The following BMP6 variants were observed in gnomAD, a reference collection of about 807,000 sequenced individuals.
BMP6 encodes the protein bone morphogenetic protein 6.
In BMP6, 17 loss-of-function variants were observed where a neutral mutation model predicts 54.1. That is an observed-to-expected ratio of 0.31 (90% CI 0.22 to 0.47). BMP6 has a LOEUF of 0.47. BMP6 is among the 20% of genes least tolerant of loss of function. The pLI is 1.00. For missense variants in BMP6, 720 were observed against 690.4 expected (o/e 1.04, Z -0.48); for synonymous variants, 328 against 291.2 (o/e 1.13, Z -1.28).
At chr6:7,800,591 T>TG (rs1318946849) in intron 1 of BMP6, among the ~76,000 whole-genome samples, 4 of 152,148 alleles carry the variant, frequency 2.6e-5, no homozygotes, top group Admixed American at 2.6e-4. Flanking sequence ...TATTAAGCTC[T>TG]GGGGGTTTGA....
At chr6:7,852,280 A>G (rs1759155575) in intron 2 of BMP6, among the ~76,000 whole-genome samples, 1 of 152,222 alleles carries the variant, frequency 6.6e-6, no homozygotes, top group African/African-American at 2.4e-5. Flanking sequence ...CTTTCAGCTA[A>G]AAGTCTAGGA....
At chr6:7,797,981 A>AG (rs1758215704) in intron 1 of BMP6, among the ~76,000 whole-genome samples, 1 of 152,184 alleles carries the variant, frequency 6.6e-6, no homozygotes, top group Admixed American at 6.5e-5. Context: ...CCTTCCCCTA[A>AG]GATAGGGTGA....
chr6:7,813,471 A>AAAC lies in BMP6; in HGVS notation c.665-31667_665-31666insCAA, dbSNP rs1581258863. On this transcript the variant is annotated intron_variant, in intron 1 of 6. Transcript: ENST00000283147. ...TCCCTGTCTCTACAAAAAAAAAAAA[A>AAAC]AAAAAAAAAACTATTTAAAAAACTA... Among the ~76,000 whole-genome samples the AAAC allele has an allele frequency of 2.1e-5, 3 of 145,954 alleles. No homozygotes were observed. The East Asian group carries it at 6.0e-4, about 29-fold the overall frequency.
rs1315020057 is a variant in BMP6 at position 7,864,650 on chromosome 6, C to G, written c.1204+2152C>G. On this transcript the variant is annotated intron_variant, in intron 4 of 6. Coordinates refer to ENST00000283147, the MANE Select transcript of BMP6 (RefSeq NM_001718.6). ...TTGTGTTCCGACTTAAATCAACCATCTATTTTACCAGTAACTTGGATGTGG... is the reference window on the plus strand; with the variant it reads ...TTGTGTTCCGACTTAAATCAACCATGTATTTTACCAGTAACTTGGATGTGG... 2.0e-5 allele frequency among the ~76,000 whole-genome samples: 3 copies of G among 152,160 alleles called. No homozygotes were observed. In the East Asian group the frequency reaches 5.8e-4, roughly 29 times the overall value.
Position 7,727,390 on chromosome 6 carries a change from C to T in BMP6, c.435C>T (p.Ala145=). 6.2e-7 allele frequency: 1 copy of T among 1,607,866 alleles called. No individual in the cohort carries two copies. The highest frequency in any genetic ancestry group is 8.5e-7 in the Non-Finnish European group (1 of 1,177,832). Residue 145 remains alanine (A), a synonymous_variant, in exon 1 of 7, where the codon GCC becomes GCT. Transcript: ENST00000283147. ...TGGATCTGTACAACGCCCTGTCCGC[C>T]GACAACGACGAGGACGGGGCGTCGG... The part of the protein sequence containing the change: ...FMLDLYNALS[A]DNDEDGASEG...
chr6:7,810,318 C>T (rs1320296176), intron 1 of BMP6, among the ~76,000 whole-genome samples: 2 of 152,092 alleles, frequency 1.3e-5, no homozygotes, highest in Admixed American at 6.5e-5. Context: ...CTTAAAGCTC[C>T]GAGGGGTATG....
chr6:7,797,745 A>G (rs1561775055), intron 1 of BMP6, among the ~76,000 whole-genome samples: 1 of 152,158 alleles, frequency 6.6e-6, no homozygotes, highest in Non-Finnish European at 1.5e-5. Flanking sequence ...TTAGACCTTG[A>G]CTTTATTAAT....
chr6:7,822,116 G>C (rs1758620048), intron 1 of BMP6, among the ~76,000 whole-genome samples: 1 of 152,084 alleles, frequency 6.6e-6, no homozygotes, highest in African/African-American at 2.4e-5. Context: ...CGCCTCCCAG[G>C]TTCAAGCAAT....
intron 1 of BMP6, among the ~76,000 whole-genome samples, chr6:7,764,085 C>T (rs994290216): frequency 2.6e-5 from 4 of 152,140 alleles, no homozygotes; most frequent in African/African-American, 9.7e-5. Flanking sequence ...TGTTCCAGGG[C>T]TTGGGAGGAG....
chr6:7,738,159 T>C (rs270407), intron 1 of BMP6, among the ~76,000 whole-genome samples: 35,601 of 152,112 alleles, frequency 0.23, 4,507 homozygotes, highest in East Asian at 0.51. Context: ...GGTTTACAAA[T>C]CTTTCTCCTG....
chr6:7,758,801 C>T (rs1757564573), intron 1 of BMP6, among the ~76,000 whole-genome samples: 2 of 152,238 alleles, frequency 1.3e-5, no homozygotes, highest in Admixed American at 1.3e-4. Context: ...TCTCCACCCC[C>T]TTCCACATGC....
At chr6:7,839,349 T>A (rs1758927268) in intron 1 of BMP6, among the ~76,000 whole-genome samples, 1 of 152,236 alleles carries the variant, frequency 6.6e-6, no homozygotes, top group Non-Finnish European at 1.5e-5. Flanking sequence ...TTTTTAAGTG[T>A]ACGGTTCAGT....
chr6:7,877,953 C>CA (rs545997248), intron 4 of BMP6, among the ~76,000 whole-genome samples: 252 of 152,260 alleles, frequency 1.7e-3, no homozygotes, highest in African/African-American at 5.9e-3. Flanking sequence ...CAGAACCCTG[C>CA]AAAGGCTCAC....
chr6:7,840,214 C>T (rs1758947271), intron 1 of BMP6, among the ~76,000 whole-genome samples: 2 of 152,132 alleles, frequency 1.3e-5, no homozygotes, highest in African/African-American at 4.8e-5. Context: ...AGGAGGAGAA[C>T]CGAACAGTGT....
chr6:7,793,121 G>T (rs1382197558), intron 1 of BMP6, among the ~76,000 whole-genome samples: 1 of 151,024 alleles, frequency 6.6e-6, no homozygotes, highest in South Asian at 2.1e-4. Flanking sequence ...GTTTTTTTCA[G>T]GTAAGTCTTA....
intron 1 of BMP6, among the ~76,000 whole-genome samples, chr6:7,809,874 C>A (rs887324586): frequency 6.6e-6 from 1 of 152,056 alleles, no homozygotes. Context: ...TCAAAGACAG[C>A]AAAATTAAGG....
At chr6:7,794,421 A>G (rs940890226) in intron 1 of BMP6, among the ~76,000 whole-genome samples, 1 of 152,170 alleles carries the variant, frequency 6.6e-6, no homozygotes, top group East Asian at 1.9e-4. Context: ...GCCTGGCAAC[A>G]TAGCCTCTCT....
At chr6:7,771,259 G>A (rs1469650868) in intron 1 of BMP6, among the ~76,000 whole-genome samples, 2 of 152,128 alleles carry the variant, frequency 1.3e-5, no homozygotes, top group East Asian at 3.9e-4. Context: ...ATGTCAGCTG[G>A]GCTTGTCCAG....
chr6:7,808,914 TAAAAAAA>T (rs70982107), intron 1 of BMP6, among the ~76,000 whole-genome samples: 84 of 88,968 alleles, frequency 9.4e-4, no homozygotes, highest in African/African-American at 3.4e-3. Flanking sequence ...ACCCTGTCTC[TAAAAAAA>T]AAAAAAAAAA....
Sources: gnomAD v4.1 joint callset for allele counts (sites outside exome capture counted in the v4.1 genomes callset) on GRCh38, gnomAD v4.1.1 for gene constraint, MANE v1.5 for transcripts, NCBI Gene and HGNC (gene_info 2026-07-23, HGNC 2026-07-21) for gene names.